The following SNX27 variants were observed in gnomAD, a reference collection of about 807,000 sequenced individuals.
SNX27 encodes sorting nexin 27, also known as sorting nexin-27.
A neutral mutation model predicts 71.6 loss-of-function variants in SNX27; 22 were observed. The ratio of observed to expected loss-of-function variants is 0.31; its 90% CI spans 0.22 to 0.44. SNX27 has a LOEUF of 0.44. SNX27 is among the 20% of genes least tolerant of loss of function. The probability of loss-of-function intolerance (pLI) is 1.00; values close to 1 mark genes in which losing one functional copy is unlikely to be tolerated. For missense variants in SNX27, 531 were observed against 698.6 expected (o/e 0.76, Z 2.70); for synonymous variants, 269 against 277.2 (o/e 0.97, Z 0.29).
chr1:151,670,718 C>T (rs761272935), intron 7 of SNX27, among the ~76,000 whole-genome samples: 2 of 151,828 alleles, frequency 1.3e-5, no homozygotes, highest in African/African-American at 2.4e-5. Context: ...CAAATATTTT[C>T]TCCCATTCTG....
At chr1:151,615,768 T>C (rs1667396985) in intron 1 of SNX27, 1 of 984,680 alleles carries the variant, frequency 1.0e-6, no homozygotes, top group East Asian at 1.1e-4. Context: ...TTTGTAACAA[T>C]TTTCGTATTT....
intron 2 of SNX27, among the ~76,000 whole-genome samples, chr1:151,645,780 G>T (rs184308247): frequency 6.6e-6 from 1 of 152,214 alleles, no homozygotes; most frequent in African/African-American, 2.4e-5. Flanking sequence ...ATGCCCACAA[G>T]CAGGGCAAAG....
At chr1:151,672,356 C>G (rs566656930) in intron 7 of SNX27, among the ~76,000 whole-genome samples, 1 of 152,154 alleles carries the variant, frequency 6.6e-6, no homozygotes, top group South Asian at 2.1e-4. Flanking sequence ...CCTACTTGCT[C>G]ATGATGATTT....
intron 5 of SNX27, among the ~76,000 whole-genome samples, chr1:151,663,797 T>A (rs1670067735): frequency 6.6e-6 from 1 of 152,148 alleles, no homozygotes; most frequent in Non-Finnish European, 1.5e-5. Context: ...TAGGTTTAGG[T>A]GGTGAAATCT....
intron 8 of SNX27, among the ~76,000 whole-genome samples, chr1:151,689,548 A>G (rs912199302): frequency 6.6e-6 from 1 of 152,208 alleles, no homozygotes; most frequent in African/African-American, 2.4e-5. Flanking sequence ...AAAAGTCCCA[A>G]TTAGAGATTG....
intron 2 of SNX27, among the ~76,000 whole-genome samples, chr1:151,651,109 C>T (rs1174169023): frequency 1.5e-4 from 23 of 152,036 alleles, no homozygotes; most frequent in Admixed American, 6.5e-4. Flanking sequence ...TCTCAATGAG[C>T]TGTTGGGCAC....
intron 7 of SNX27, among the ~76,000 whole-genome samples, chr1:151,669,656 G>T (rs957368593): frequency 6.6e-6 from 1 of 152,188 alleles, no homozygotes; most frequent in Admixed American, 6.5e-5. Context: ...TCCAGTGTGA[G>T]AGTACATTGT....
chr1:151,684,424 G>A (rs1461620400), intron 8 of SNX27, among the ~76,000 whole-genome samples: 1 of 152,250 alleles, frequency 6.6e-6, no homozygotes, highest in East Asian at 1.9e-4. Context: ...TGCCGAACAG[G>A]GCTGCCTAGA....
chr1:151,668,504 A>ATTCAG lies in SNX27; in HGVS notation c.1018_1019insTTCAG (p.Lys340IlefsTer18), dbSNP rs751988557. The ATTCAG allele has an allele frequency of 1.2e-6, 2 of 1,613,386 alleles. No individual in the cohort carries two copies. The highest frequency in any genetic ancestry group is 1.7e-6 in the Non-Finnish European group (2 of 1,179,790). On this transcript the variant is annotated frameshift_variant, in exon 7 of 12. Coordinates refer to ENST00000458013, the MANE Select transcript of SNX27 (RefSeq NM_001330723.2). LOFTEE classifies it high-confidence loss of function. Reference sequence around the variant, plus strand: ...ATTGGCACCTAATGAGTTTCCTCACAAACTCTACATTCAGAATTATACATC... The same window carrying ATTCAG: ...ATTGGCACCTAATGAGTTTCCTCACATTCAGAACTCTACATTCAGAATTATACATC...
chr1:151,665,836 T>C (rs1441458357), intron 5 of SNX27, 97 bp from the exon 6 acceptor site: 2 of 932,384 alleles, frequency 2.1e-6, no homozygotes, highest in Non-Finnish European at 3.3e-6. Flanking sequence ...TGGCAGAACC[T>C]CTCCCCTTTC....
At chr1:151,617,487 C>T (rs1281150485) in intron 1 of SNX27, among the ~76,000 whole-genome samples, 1 of 152,086 alleles carries the variant, frequency 6.6e-6, no homozygotes. Context: ...CCATGTTGGT[C>T]AGGCCAGGCT....
intron 2 of SNX27, among the ~76,000 whole-genome samples, chr1:151,653,172 C>G (rs184735026): frequency 1.2e-4 from 18 of 152,114 alleles, no homozygotes; most frequent in Admixed American, 1.2e-3. Flanking sequence ...GGTGATCACC[C>G]GCCTTGGCCT....
At chr1:151,674,102 G>A (rs893421510) in intron 7 of SNX27, among the ~76,000 whole-genome samples, 2 of 151,888 alleles carry the variant, frequency 1.3e-5, no homozygotes, top group Admixed American at 6.6e-5. Flanking sequence ...TGGTCGTTTT[G>A]TGATCATCTT....
intron 1 of SNX27, among the ~76,000 whole-genome samples, chr1:151,624,613 A>T (rs903418820): frequency 3.3e-5 from 5 of 150,466 alleles, no homozygotes; most frequent in African/African-American, 1.2e-4. Context: ...TGTATTTTTA[A>T]TAGAGATGGG....
intron 7 of SNX27, among the ~76,000 whole-genome samples, chr1:151,674,463 A>T (rs1379411867): frequency 6.6e-6 from 1 of 152,046 alleles, no homozygotes; most frequent in Non-Finnish European, 1.5e-5. Context: ...ACCATGTTTG[A>T]TGTTTTTTTA....
At chr1:151,633,473 T>G (rs1240862516) in intron 1 of SNX27, among the ~76,000 whole-genome samples, 2 of 152,102 alleles carry the variant, frequency 1.3e-5, no homozygotes, top group African/African-American at 4.8e-5. Flanking sequence ...ATTTTTTGTA[T>G]TTTTTGTAGA....
intron 7 of SNX27, among the ~76,000 whole-genome samples, chr1:151,673,817 G>A (rs569208460): frequency 9.2e-5 from 14 of 152,060 alleles, no homozygotes; most frequent in Admixed American, 8.5e-4. Flanking sequence ...CTATATTTTT[G>A]TCTTACAATC....
chr1:151,641,431 C>A (rs1668713258), intron 2 of SNX27, among the ~76,000 whole-genome samples: 1 of 151,342 alleles, frequency 6.6e-6, no homozygotes, highest in South Asian at 2.1e-4. Flanking sequence ...TTGCATTTAC[C>A]TAATGACTCA....
Position 151,695,088 on chromosome 1 carries a change from A to G in SNX27, c.*671A>G, listed in dbSNP as rs1671641476. The G allele has an allele frequency of 6.6e-6, 1 of 152,538 alleles. No homozygotes were observed. The allele number at this position is 152,538 out of a possible 1,614,324, so 9.4% of individuals were successfully genotyped here. A position where few individuals can be genotyped will look rare whatever the true frequency, so the allele number is the denominator to read the frequency against. On this transcript the variant is annotated 3_prime_UTR_variant, in exon 12 of 12. Transcript: ENST00000458013. Reference sequence around the variant, plus strand: ...TATAGATTCCGGCTCATGGGTTGCCATAGAGTCTAGGAACAAGGAGTATAG... The same window carrying G: ...TATAGATTCCGGCTCATGGGTTGCCGTAGAGTCTAGGAACAAGGAGTATAG...
Sources: gnomAD v4.1 joint callset for allele counts (sites outside exome capture counted in the v4.1 genomes callset) on GRCh38, gnomAD v4.1.1 for gene constraint, MANE v1.5 for transcripts, NCBI Gene and HGNC (gene_info 2026-07-23, HGNC 2026-07-21) for gene names.